AKAP9: variants seen among roughly 807,000 people sequenced by gnomAD.
AKAP9 encodes the protein A-kinase anchor protein 9.
A neutral mutation model predicts 488.5 loss-of-function variants in AKAP9; 311 were observed. The ratio of observed to expected loss-of-function variants is 0.64; its 90% CI spans 0.58 to 0.70. The LOEUF (loss-of-function observed/expected upper bound fraction) is 0.70, where lower values mean the gene tolerates loss of function less well. AKAP9 is among the 30% of genes least tolerant of loss of function. The pLI is 0.00. For missense variants in AKAP9, 4,215 were observed against 4,374.5 expected (o/e 0.96, Z 1.03); for synonymous variants, 1,462 against 1,483.5 (o/e 0.99, Z 0.33).
intron 1 of AKAP9, among the ~76,000 whole-genome samples, chr7:91,943,701 A>G (rs547681408): frequency 1.3e-5 from 2 of 152,372 alleles, no homozygotes; most frequent in South Asian, 2.1e-4. Context: ...ATAGTTATTC[A>G]TACATATTTG....
intron 21 of AKAP9, among the ~76,000 whole-genome samples, chr7:92,051,019 T>G (rs1339016450): frequency 6.6e-6 from 1 of 152,210 alleles, no homozygotes; most frequent in Admixed American, 6.5e-5. Context: ...TTGCTACAAT[T>G]TGCTTCCTGA....
In AKAP9 at chr7:92,045,147, A is replaced by G; in HGVS notation, c.5302A>G (p.Ser1768Gly). ...ATCTAGTAAAAGCCAGTCATCTGCC[A>G]GCCTAATTTGGAGGTCAGAAGCAGA... The part of the protein sequence containing the change: ...DRSSKSQSSA[S>G]LIWRSEAEAS... The change falls in exon 21 of 50, where the codon AGC becomes GGC. Residue 1768 changes from serine to glycine, a missense_variant. Physicochemically the swap from Ser to Gly is moderately conservative, Grantham distance 56 (BLOSUM62 0). Transcript: ENST00000356239. 1 of 1,613,882 alleles carries G rather than the reference A, an allele frequency of 6.2e-7. No individual in the cohort carries two copies.
chr7:92,054,089 G>T (rs980403441), intron 22 of AKAP9, among the ~76,000 whole-genome samples: 2 of 152,164 alleles, frequency 1.3e-5, no homozygotes, highest in African/African-American at 4.8e-5. Flanking sequence ...AGCATTGGGA[G>T]TAGGCGTTTT....
At chr7:92,081,111 C>G (rs1584469319) in intron 31 of AKAP9, among the ~76,000 whole-genome samples, 1 of 152,000 alleles carries the variant, frequency 6.6e-6, no homozygotes, top group Non-Finnish European at 1.5e-5. Flanking sequence ...TTAATTTTAG[C>G]AAATGTTCTC....
At chr7:92,023,493 C>A (rs1802623860) in intron 14 of AKAP9, among the ~76,000 whole-genome samples, 1 of 152,132 alleles carries the variant, frequency 6.6e-6, no homozygotes, top group East Asian at 1.9e-4. Context: ...GTCGTTACTC[C>A]TCTTTCTCTT....
intron 3 of AKAP9, among the ~76,000 whole-genome samples, chr7:91,980,813 C>T (rs896079277): frequency 2.6e-5 from 4 of 151,766 alleles, no homozygotes; most frequent in Non-Finnish European, 4.4e-5. Context: ...TTAGGAAATA[C>T]CCTCTTTGTG....
intron 34 of AKAP9, 44 bp from the exon 35 acceptor site, chr7:92,084,768 CTGGGGTT>C: frequency 1.2e-6 from 2 of 1,603,506 alleles, no homozygotes; most frequent in Non-Finnish European, 1.7e-6. Context: ...TTTTTGGGGA[CTGGGGTT>C]TGATTTTTTT....
In AKAP9 at chr7:92,104,727, A is replaced by G. The variant is rs1315380509; in HGVS notation, c.11331-951A>G. ...AGACCCTCCTTGCTTCTGATATTCC[A>G]TATTGTAGTCTCCTGGTTTCATTTA... On this transcript the variant is annotated intron_variant, in intron 46 of 49. Transcript: ENST00000356239. Among the ~76,000 whole-genome samples the G allele has an allele frequency of 3.9e-5, 6 of 152,178 alleles. No individual in the cohort carries two copies. The East Asian group carries it at 5.8e-4, about 15-fold the overall frequency.
At chr7:92,008,316 G>A (rs899179654) in intron 8 of AKAP9, among the ~76,000 whole-genome samples, 21 of 151,806 alleles carry the variant, frequency 1.4e-4, no homozygotes, top group African/African-American at 4.4e-4. Context: ...GCAGTGAGCC[G>A]AGATCGCGCC....
chr7:92,019,942 A>G (rs891087336), intron 12 of AKAP9, among the ~76,000 whole-genome samples: 1 of 152,032 alleles, frequency 6.6e-6, no homozygotes, highest in Admixed American at 6.6e-5. Flanking sequence ...TGAACCCAGA[A>G]GGTGGAGGTT....
chr7:92,079,861 A>G lies in AKAP9; in HGVS notation c.7728A>G (p.Thr2576=), dbSNP rs1322388287. The G allele has an allele frequency of 6.2e-7, 1 of 1,614,130 alleles. No individual in the cohort carries two copies. Among genetic ancestry groups the G allele is most frequent in the South Asian group, 1.1e-5 (1 of 91,084 alleles). Residue 2576 remains threonine (T), a synonymous_variant, in exon 31 of 50, where the codon ACA becomes ACG. Coordinates refer to ENST00000356239, the MANE Select transcript of AKAP9 (RefSeq NM_005751.5). ...EYAKFCQDNQ[T]ISSEPERTNI... is the part of the protein sequence containing the mutation. The stretch of plus-strand genomic sequence containing the variant: ...CAAAATTCTGTCAAGATAATCAAAC[A>G]ATTTCATCAGAACCTGAAAGAACAA...
At chr7:91,953,728 G>T (rs1792574413) in intron 1 of AKAP9, among the ~76,000 whole-genome samples, 1 of 152,062 alleles carries the variant, frequency 6.6e-6, no homozygotes, top group East Asian at 1.9e-4. Context: ...ATTTAAAATG[G>T]TGTGGATGTT....
chr7:91,985,089 A>G (rs555304578), intron 3 of AKAP9, among the ~76,000 whole-genome samples: 2 of 152,280 alleles, frequency 1.3e-5, no homozygotes, highest in Admixed American at 1.3e-4. Context: ...TCTTTTCCTA[A>G]TTGAATACCC....
chr7:92,084,411 G>A (rs769993326), intron 33 of AKAP9, among the ~76,000 whole-genome samples: 12 of 151,504 alleles, frequency 7.9e-5, no homozygotes, highest in Non-Finnish European at 1.5e-4. Flanking sequence ...TGATGTTCCT[G>A]TATGGATTTG....
chr7:91,963,907 T>C (rs1007778410), intron 1 of AKAP9, among the ~76,000 whole-genome samples: 4 of 152,234 alleles, frequency 2.6e-5, no homozygotes, highest in African/African-American at 9.6e-5. Context: ...GTAACTGGTC[T>C]AATTAATAGT....
chr7:92,074,755 C>G (rs2130851600), intron 28 of AKAP9, among the ~76,000 whole-genome samples: 1 of 152,290 alleles, frequency 6.6e-6, no homozygotes, highest in Middle Eastern at 3.4e-3. Context: ...AGCAAACTAT[C>G]ACAAGGATAG....
chr7:92,108,788 C>A, intron 49 of AKAP9, 155 bp downstream of exon 49: 1 of 894,156 alleles, frequency 1.1e-6, no homozygotes, highest in Non-Finnish European at 1.8e-6. Context: ...ACTCTTGTAA[C>A]CAGCAGAGAA....
At chr7:92,088,542 C>T (rs1356963571) in intron 37 of AKAP9, among the ~76,000 whole-genome samples, 1 of 152,082 alleles carries the variant, frequency 6.6e-6, no homozygotes, top group South Asian at 2.1e-4. Context: ...TGCCTACAAC[C>T]ACTTGTATGC....
intron 3 of AKAP9, among the ~76,000 whole-genome samples, chr7:91,989,985 T>A (rs1797564766): frequency 6.6e-6 from 1 of 152,094 alleles, no homozygotes; most frequent in Non-Finnish European, 1.5e-5. Context: ...AATGTTGTTA[T>A]GATGTGATAC....
Sources: allele counts gnomAD v4.1 joint callset (sites outside exome capture counted in the v4.1 genomes callset), GRCh38; gene constraint gnomAD v4.1.1; transcripts MANE v1.5; gene names NCBI Gene and HGNC (gene_info 2026-07-23, HGNC 2026-07-21).